The following CCDC7 variants were observed in gnomAD, a reference collection of about 807,000 sequenced individuals.
CCDC7 encodes the protein coiled-coil domain-containing protein 7.
Under a neutral mutation model 196.9 loss-of-function variants are expected in CCDC7, and 183 were observed. The observed-to-expected ratio is 0.93, with a 90% CI of 0.82 to 1.05. CCDC7 has a LOEUF of 1.05. Ranked by LOEUF, CCDC7 falls within the 50% of genes least tolerant of loss-of-function variation. The probability of loss-of-function intolerance (pLI) is 0.00; values close to 1 mark genes in which losing one functional copy is unlikely to be tolerated. For missense variants in CCDC7, 1,540 were observed against 1,482.2 expected, an observed-to-expected ratio of 1.04 and a Z score of -0.64; for synonymous variants, 525 against 484.6, an observed-to-expected ratio of 1.08 and a Z score of -1.10.
intron 7 of CCDC7, 99 bp downstream of exon 8, chr10:32,472,641 C>A: frequency 8.8e-7 from 1 of 1,130,858 alleles, no homozygotes; most frequent in Non-Finnish European, 1.2e-6. Flanking sequence ...GTCACCCATG[C>A]TGGAGTGTAG....
At chr10:32,538,655 T>C (rs1171877538) in intron 11 of CCDC7, among the ~76,000 whole-genome samples, 1 of 152,232 alleles carries the variant, frequency 6.6e-6, no homozygotes, top group African/African-American at 2.4e-5. Flanking sequence ...TGATGCATGT[T>C]CCTTCAATGC....
At chr10:32,688,604 G>A (rs1002156466) in intron 22 of CCDC7, among the ~76,000 whole-genome samples, 2 of 150,970 alleles carry the variant, frequency 1.3e-5, no homozygotes, top group African/African-American at 4.9e-5. Flanking sequence ...CATTCCTTTT[G>A]TAACTGTATG....
intron 18 of CCDC7, among the ~76,000 whole-genome samples, chr10:32,620,301 G>GTGATT (rs1412174414): frequency 6.6e-6 from 1 of 152,052 alleles, no homozygotes; most frequent in East Asian, 1.9e-4. Flanking sequence ...ATTTACATTT[G>GTGATT]TGATTTCATC....
chr10:32,750,513 A>C (rs2075492700), intron 28 of CCDC7, among the ~76,000 whole-genome samples: 1 of 152,138 alleles, frequency 6.6e-6, no homozygotes. Flanking sequence ...GTGTAATAAG[A>C]GGTAAGAGGT....
At chr10:32,512,508 C>G (rs1051169808) in intron 9 of CCDC7, 2 of 152,138 alleles carry the variant, frequency 1.3e-5, no homozygotes, top group African/African-American at 4.8e-5. Context: ...ATAGGCAAGG[C>G]AAAGGCATCC....
At chr10:32,718,530 A>C (rs2081954707) in intron 25 of CCDC7, among the ~76,000 whole-genome samples, 1 of 150,464 alleles carries the variant, frequency 6.6e-6, no homozygotes, top group African/African-American at 2.5e-5. Context: ...CAGGGCAATT[A>C]GGGAAGAGAA....
At chr10:32,668,687 A>T (rs1050821000) in intron 21 of CCDC7, among the ~76,000 whole-genome samples, 1 of 152,014 alleles carries the variant, frequency 6.6e-6, no homozygotes, top group Non-Finnish European at 1.5e-5. Flanking sequence ...TGATTTGTGT[A>T]TGTTGAACCA....
chr10:32,444,152 A>G (rs2030476361), upstream of CCDC7, among the ~76,000 whole-genome samples: 2 of 152,140 alleles, frequency 1.3e-5, no homozygotes, highest in Non-Finnish European at 2.9e-5. Context: ...GAGAGCAAAT[A>G]TCCTTGCCTC....
chr10:32,589,521 A>T (rs2059591880), intron 18 of CCDC7, among the ~76,000 whole-genome samples: 1 of 152,150 alleles, frequency 6.6e-6, no homozygotes, highest in East Asian at 1.9e-4. Context: ...GAGGAGAAAA[A>T]TGTGTATTCT....
chr10:32,826,082 G>T (rs990080678), intron 32 of CCDC7, among the ~76,000 whole-genome samples: 3 of 152,168 alleles, frequency 2.0e-5, no homozygotes, highest in Non-Finnish European at 2.9e-5. Context: ...CAACAGTGAT[G>T]GCCTTCCCTG....
At chr10:32,445,254 G>GT (rs1454616100), upstream of CCDC7, among the ~76,000 whole-genome samples, 2 of 152,082 alleles carry the variant, frequency 1.3e-5, no homozygotes, top group African/African-American at 4.8e-5. Flanking sequence ...AACCCCAATG[G>GT]TAACTCCTAG....
intron 22 of CCDC7, among the ~76,000 whole-genome samples, chr10:32,686,412 C>T (rs973022439): frequency 6.6e-6 from 1 of 152,148 alleles, no homozygotes; most frequent in African/African-American, 2.4e-5. Context: ...CTGACCTGTT[C>T]AGTAAGCTGT....
intron 23 of CCDC7, among the ~76,000 whole-genome samples, chr10:32,689,824 T>C (rs1388587680): frequency 2.0e-5 from 3 of 151,888 alleles, no homozygotes; most frequent in African/African-American, 7.3e-5. Context: ...AACCTCCGCC[T>C]CCCGGGCTCA....
At chr10:32,496,847 A>G (rs562983564) in intron 9 of CCDC7, among the ~76,000 whole-genome samples, 1 of 152,144 alleles carries the variant, frequency 6.6e-6, no homozygotes, top group East Asian at 1.9e-4. Context: ...TTTGCTTAAA[A>G]TTTTCTTTTT....
intron 11 of CCDC7, among the ~76,000 whole-genome samples, chr10:32,524,468 A>G (rs946022279): frequency 6.6e-6 from 1 of 152,166 alleles, no homozygotes; most frequent in Non-Finnish European, 1.5e-5. Flanking sequence ...TACTATTACC[A>G]GTGAGTTTTG....
intron 24 of CCDC7, among the ~76,000 whole-genome samples, chr10:32,707,672 C>T (rs2080029735): frequency 6.6e-6 from 1 of 152,106 alleles, no homozygotes; most frequent in South Asian, 2.1e-4. Context: ...TCCTACACAC[C>T]AATAACAGAC....
chr10:32,828,864 G>A (rs1057448996), intron 32 of CCDC7, among the ~76,000 whole-genome samples: 8 of 152,150 alleles, frequency 5.3e-5, no homozygotes, highest in Non-Finnish European at 1.0e-4. Context: ...CAAAACTTTT[G>A]TTTCTTGTTC....
At chr10:32,810,788 T>A (rs1043203102) in intron 30 of CCDC7, among the ~76,000 whole-genome samples, 1 of 152,100 alleles carries the variant, frequency 6.6e-6, no homozygotes, top group Non-Finnish European at 1.5e-5. Context: ...TCTTAACAAA[T>A]TTTTAAAAAT....
At chr10:32,648,041 C>T (rs1323541192) in intron 20 of CCDC7, among the ~76,000 whole-genome samples, 1 of 152,186 alleles carries the variant, frequency 6.6e-6, no homozygotes. Flanking sequence ...CAATATTCTG[C>T]ATAAGGTTAG....
Sources: gnomAD v4.1 joint callset for allele counts (sites outside exome capture counted in the v4.1 genomes callset) on GRCh38, gnomAD v4.1.1 for gene constraint, MANE v1.5 for transcripts, NCBI Gene and HGNC (gene_info 2026-07-23, HGNC 2026-07-21) for gene names.